MAGI1: variants seen among roughly 807,000 people sequenced by gnomAD.
MAGI1 encodes membrane-associated guanylate kinase, WW and PDZ domain-containing protein 1.
In MAGI1, 58 loss-of-function variants were observed where a neutral mutation model predicts 139.9. The ratio of observed to expected loss-of-function variants is 0.41; its 90% CI spans 0.34 to 0.52. MAGI1 has a LOEUF of 0.52. Ranked by LOEUF, MAGI1 falls within the 20% of genes least tolerant of loss-of-function variation. The probability of loss-of-function intolerance (pLI) is 0.12; values close to 1 mark genes in which losing one functional copy is unlikely to be tolerated. For missense variants in MAGI1, 1,874 were observed against 1,901.6 expected (o/e 0.99, Z 0.27); for synonymous variants, 812 against 737.9 (o/e 1.10, Z -1.63).
chr3:65,603,055 G>A (rs1399831449), intron 2 of MAGI1, among the ~76,000 whole-genome samples: 1 of 152,056 alleles, frequency 6.6e-6, no homozygotes, highest in Non-Finnish European at 1.5e-5. Flanking sequence ...TAGAAAATGT[G>A]AATAGAGCAA....
chr3:65,497,705 A>T (rs935643993), intron 2 of MAGI1, among the ~76,000 whole-genome samples: 2 of 152,152 alleles, frequency 1.3e-5, no homozygotes, highest in Non-Finnish European at 2.9e-5. Context: ...ATGTTTTCAG[A>T]TCCAATTTGT....
chr3:65,648,399 C>G (rs1383332985), intron 1 of MAGI1, among the ~76,000 whole-genome samples: 1 of 152,144 alleles, frequency 6.6e-6, no homozygotes, highest in Non-Finnish European at 1.5e-5. Context: ...ATCTTCCTGC[C>G]TCAGCCTCCC....
intron 1 of MAGI1, among the ~76,000 whole-genome samples, chr3:65,933,153 A>C (rs893135039): frequency 2.0e-5 from 3 of 152,222 alleles, no homozygotes; most frequent in African/African-American, 7.2e-5. Context: ...TTGAAGACAA[A>C]AGCCATATCT....
intron 2 of MAGI1, among the ~76,000 whole-genome samples, chr3:65,504,596 G>C (rs1355395890): frequency 6.6e-6 from 1 of 152,162 alleles, no homozygotes. Context: ...AGGTGCAGCT[G>C]AATTTCCACA....
At chr3:65,378,372 GCAA>G (rs1942734118) in intron 17 of MAGI1, among the ~76,000 whole-genome samples, 1 of 152,066 alleles carries the variant, frequency 6.6e-6, no homozygotes, top group Non-Finnish European at 1.5e-5. Context: ...TTTAAATCAA[GCAA>G]CAGTAAAAAT....
Position 65,975,120 on chromosome 3 carries a change from G to A in MAGI1, c.313+62876C>T, listed in dbSNP as rs116036547. Among the ~76,000 whole-genome samples, 1,268 of 149,500 alleles carry A rather than the reference G, an allele frequency of 8.5e-3. 19 individuals are homozygous for A. Among genetic ancestry groups the A allele is most frequent in the African/African-American group, 0.03 (1,207 of 40,868 alleles). Reference sequence around the variant, plus strand: ...AAAAAAAAAAACAGTAAATATCCATGAGAAATGTCAACTTGGATTTTCTTC... The same window carrying A: ...AAAAAAAAAAACAGTAAATATCCATAAGAAATGTCAACTTGGATTTTCTTC... On this transcript the variant is annotated intron_variant, in intron 1 of 22. Transcript: ENST00000402939.
chr3:65,415,648 A>C (rs949320241), intron 12 of MAGI1, among the ~76,000 whole-genome samples: 1 of 152,218 alleles, frequency 6.6e-6, no homozygotes. Flanking sequence ...TTCAACAAAA[A>C]ATAACCCAGA....
intron 5 of MAGI1, among the ~76,000 whole-genome samples, chr3:65,454,198 A>C (rs1157310098): frequency 2.0e-5 from 3 of 152,182 alleles, no homozygotes; most frequent in African/African-American, 7.2e-5. Flanking sequence ...GGTGGGGCAA[A>C]CAACTCCAGT....
intron 12 of MAGI1, among the ~76,000 whole-genome samples, chr3:65,408,276 G>C (rs1350615971): frequency 6.6e-6 from 1 of 152,106 alleles, no homozygotes; most frequent in Non-Finnish European, 1.5e-5. Context: ...CAAACAGAAA[G>C]GTAAAACTTG....
intron 1 of MAGI1, among the ~76,000 whole-genome samples, chr3:65,912,194 G>A (rs2061697755): frequency 6.8e-6 from 1 of 146,158 alleles, no homozygotes; most frequent in Non-Finnish European, 1.5e-5. Flanking sequence ...ATGAAACAAT[G>A]CATTACTTCA....
intron 1 of MAGI1, among the ~76,000 whole-genome samples, chr3:66,019,063 T>C (rs1409324188): frequency 2.0e-5 from 3 of 152,214 alleles, no homozygotes; most frequent in Non-Finnish European, 2.9e-5. Context: ...AGGTACTGCC[T>C]GGCCATAAGG....
chr3:65,777,116 G>T (rs539399985), intron 1 of MAGI1, among the ~76,000 whole-genome samples: 33 of 152,266 alleles, frequency 2.2e-4, no homozygotes, highest in African/African-American at 7.7e-4. Flanking sequence ...TGAACAAAAC[G>T]CAAACAGTGA....
At chr3:65,558,724 T>C (rs1276602988) in intron 2 of MAGI1, among the ~76,000 whole-genome samples, 2 of 152,044 alleles carry the variant, frequency 1.3e-5, no homozygotes, top group African/African-American at 4.8e-5. Flanking sequence ...TGGGACCCCA[T>C]CCTGATCTAC....
intron 2 of MAGI1, among the ~76,000 whole-genome samples, chr3:65,556,919 G>A (rs1302229069): frequency 1.3e-5 from 2 of 152,114 alleles, no homozygotes; most frequent in African/African-American, 2.4e-5. Flanking sequence ...TGCTCAATCC[G>A]TACTGGCCTT....
At chr3:65,974,598 A>G (rs2065175895) in intron 1 of MAGI1, among the ~76,000 whole-genome samples, 1 of 152,168 alleles carries the variant, frequency 6.6e-6, no homozygotes, top group Non-Finnish European at 1.5e-5. Flanking sequence ...TTCTGGCTCA[A>G]CATCTCTCAC....
intron 14 of MAGI1, chr3:65,387,331 C>T: frequency 1.3e-6 from 1 of 763,806 alleles, no homozygotes; most frequent in Non-Finnish European, 2.2e-6. Flanking sequence ...TCAGCTTTCA[C>T]AATAAAGGTC....
In MAGI1 at chr3:65,540,642, T is replaced by C. The variant is rs140279163; in HGVS notation, c.431-47011A>G. ...ATCTATTTATTCAAAAACTATCTAT[T>C]GGACAGAGCATTTCACAAAGCTGTT... On this transcript the variant is annotated intron_variant, in intron 2 of 22. Coordinates refer to ENST00000402939, the MANE Select transcript of MAGI1 (RefSeq NM_001033057.2). Among the ~76,000 whole-genome samples the C allele has an allele frequency of 3.1e-3, 476 of 152,358 alleles. 1 individual carries two copies. The highest frequency in any genetic ancestry group is 0.011 in the African/African-American group (446 of 41,592).
chr3:66,002,577 G>A lies in MAGI1; in HGVS notation c.313+35419C>T, dbSNP rs893780898. Among the ~76,000 whole-genome samples, 4 of 152,042 alleles carry A rather than the reference G, an allele frequency of 2.6e-5. No individual in the cohort carries two copies. The East Asian group carries it at 5.8e-4, about 22-fold the overall frequency. ...TCTTCCCAGGCTGGAGTACAGTGGC[G>A]CGATCTCGACTCACTGCAGCCTCCA... On this transcript the variant is annotated intron_variant, in intron 1 of 22. Coordinates refer to ENST00000402939, the MANE Select transcript of MAGI1 (RefSeq NM_001033057.2).
At position 65,811,693 on chromosome 3, in the gene MAGI1, CA is replaced by C. The variant is rs745690581; in HGVS notation, c.314-189606del. Among the ~76,000 whole-genome samples the C allele has an allele frequency of 1.0e-3, 144 of 140,434 alleles. No individual in the cohort carries two copies. The South Asian group carries it at 0.011, about 10-fold the overall frequency. 92.1% of individuals were successfully genotyped at this position (140,434 alleles called of 152,430 possible). On this transcript the variant is annotated intron_variant, in intron 1 of 22. Coordinates refer to ENST00000402939, the MANE Select transcript of MAGI1 (RefSeq NM_001033057.2). ...AAAAATAAATAAATAAATACACAAACAAAAAAAAAAACAAGAAAAGCAGAGC... is the reference window on the plus strand; with the variant it reads ...AAAAATAAATAAATAAATACACAAACAAAAAAAAAACAAGAAAAGCAGAGC...
Sources: allele counts gnomAD v4.1 joint callset (sites outside exome capture counted in the v4.1 genomes callset), GRCh38; gene constraint gnomAD v4.1.1; transcripts MANE v1.5; gene names NCBI Gene and HGNC (gene_info 2026-07-23, HGNC 2026-07-21).